TRADD: variants seen among roughly 807,000 people sequenced by gnomAD.
The protein encoded by TRADD is tumor necrosis factor receptor type 1-associated DEATH domain protein.
Under a neutral mutation model 31.5 loss-of-function variants are expected in TRADD, and 14 were observed. The ratio of observed to expected loss-of-function variants is 0.44; its 90% CI spans 0.29 to 0.69. The LOEUF is 0.69. Ranked by LOEUF, TRADD falls within the 30% of genes least tolerant of loss-of-function variation. The probability of loss-of-function intolerance (pLI) is 0.11; values close to 1 mark genes in which losing one functional copy is unlikely to be tolerated. For synonymous variants in TRADD, 220 were observed against 215.8 expected (o/e 1.02, Z -0.17); for missense variants, 388 against 435.7 (o/e 0.89, Z 0.97).
chr16:67,155,586 G>GC lies in TRADD; in HGVS notation c.219dup (p.Gln74AlafsTer77). 1 of 1,547,098 alleles carries GC rather than the reference G, an allele frequency of 6.5e-7. No homozygotes were observed. The highest frequency in any genetic ancestry group is 8.7e-7 in the Non-Finnish European group (1 of 1,154,164). ...GGCTGCCGCCCGCAGAATCGCAGCT[G>GC]CACGATCAGCTGCGGGTCGCTGCGG... On this transcript the variant is annotated frameshift_variant, in exon 3 of 5. Transcript: ENST00000345057. LOFTEE classifies it high-confidence loss of function.
Position 67,156,153 on chromosome 16 carries a change from G to A in TRADD, c.151+357C>T, listed in dbSNP as rs1567663291. 5 of 1,371,646 alleles carry A rather than the reference G, an allele frequency of 3.6e-6. No homozygotes were observed. The South Asian group carries it at 4.9e-5, about 13-fold the overall frequency. The allele number at this position is 1,371,646 out of a possible 1,614,324, so 85.0% of individuals were successfully genotyped here. On this transcript the variant is annotated intron_variant, in intron 2 of 4. Coordinates refer to ENST00000345057, the MANE Select transcript of TRADD (RefSeq NM_003789.4). The surrounding 1 kb of genome is among the most constrained non-coding windows in gnomAD (Gnocchi z 4.6). Reference sequence around the variant, plus strand: ...GGCCTCTGCCCTGAGATGGGAAAGGGGGGCCTGGAAGGGTAGGTACTGGGG... The same window carrying A: ...GGCCTCTGCCCTGAGATGGGAAAGGAGGGCCTGGAAGGGTAGGTACTGGGG...
chr16:67,155,770 T>A, intron 2 of TRADD, 116 bp from the exon 3 acceptor site: 1 of 1,466,208 alleles, frequency 6.8e-7, no homozygotes, highest in Non-Finnish European at 9.0e-7. Flanking sequence ...TGACCTAGGG[T>A]GCAGTTACCC....
Position 67,156,479 on chromosome 16 carries a change from T to A in TRADD, c.151+31A>T, listed in dbSNP as rs747667198. On this transcript the variant is annotated intron_variant, in intron 2 of 4. Coordinates refer to ENST00000345057, the MANE Select transcript of TRADD (RefSeq NM_003789.4). This position sits in a 1 kb window ranked among gnomAD's most constrained non-coding sequence, Gnocchi z 4.6. ...CCCACAAAATGCTCCAGGCCACCCC[T>A]TCCTCTCCACATGCCCGCCCATCCA... 1.6e-5 allele frequency: 25 copies of A among 1,607,078 alleles called. No homozygotes were observed. Among genetic ancestry groups the A allele is most frequent in the Non-Finnish European group, 2.1e-5 (25 of 1,179,938 alleles).
chr16:67,156,385 G>GCC lies in TRADD; in HGVS notation c.151+123_151+124dup. ...ACAAGCAAAGAAGAGAGTCTGCACA[G>GCC]CCAGGGGTCCTCCGTCTTGCTCCTC... On this transcript the variant is annotated intron_variant, in intron 2 of 4. Coordinates refer to ENST00000345057, the MANE Select transcript of TRADD (RefSeq NM_003789.4). The surrounding 1 kb of genome is among the most constrained non-coding windows in gnomAD (Gnocchi z 4.6). The GCC allele has an allele frequency of 6.9e-7, 1 of 1,439,654 alleles. No homozygotes were observed. The allele number at this position is 1,439,654 out of a possible 1,614,324, so 89.2% of individuals were successfully genotyped here.
At chr16:67,155,327 T>G in intron 3 of TRADD, 33 bp from the exon 4 acceptor site, 1 of 1,608,108 alleles carries the variant, frequency 6.2e-7, no homozygotes, top group Non-Finnish European at 8.5e-7. Context: ...CACGGGGGAC[T>G]TAACCGCGGA....
chr16:67,156,541 T>A lies in TRADD; in HGVS notation c.120A>T (p.Ala40=). The change falls in exon 2 of 5, where the codon GCA becomes GCT. Residue 40 remains alanine (A), a synonymous_variant. Coordinates refer to ENST00000345057, the MANE Select transcript of TRADD (RefSeq NM_003789.4). The surrounding 1 kb of genome is among the most constrained non-coding windows in gnomAD (Gnocchi z 4.6). The part of the protein sequence containing the change: ...DAYAHPQQKV[A]VYRALQAALA... ...AGGCAGCCTGCAGAGCCCTGTACAC[T>A]GCCACCTTCTGCTGGGGGTGCGCGT... The A allele has an allele frequency of 1.9e-6, 3 of 1,613,572 alleles. No individual in the cohort carries two copies. The highest frequency in any genetic ancestry group is 2.2e-5 in the East Asian group (1 of 44,876).
chr16:67,156,557 G>A lies in TRADD; in HGVS notation c.104C>T (p.Pro35Leu). ...KVVLSDAYAH[P>L]QQKVAVYRAL... ...CCTGTACACTGCCACCTTCTGCTGG[G>A]GGTGCGCGTAGGCATCCGACAGGAC... Residue 35 changes from proline to leucine, a missense_variant, in exon 2 of 5, where the codon CCC becomes CTC. Coordinates refer to ENST00000345057, the MANE Select transcript of TRADD (RefSeq NM_003789.4). This position sits in a 1 kb window ranked among gnomAD's most constrained non-coding sequence, Gnocchi z 4.6. 1 of 1,613,850 alleles carries A rather than the reference G, an allele frequency of 6.2e-7. No homozygotes were observed.
chr16:67,155,862 C>T lies in TRADD; in HGVS notation c.152-208G>A, dbSNP rs2030673228. Reference sequence around the variant, plus strand: ...AGACCAGGATCTGTCACAGGGAGCACCCTAAGACAGAGTGGGTGCCACCTA... The same window carrying T: ...AGACCAGGATCTGTCACAGGGAGCATCCTAAGACAGAGTGGGTGCCACCTA... On this transcript the variant is annotated intron_variant, in intron 2 of 4. Transcript: ENST00000345057. The T allele has an allele frequency of 4.0e-6, 6 of 1,515,018 alleles. No individual in the cohort carries two copies. The South Asian group carries it at 6.2e-5, about 16-fold the overall frequency. 93.8% of individuals were successfully genotyped at this position (1,515,018 alleles called of 1,614,324 possible). A position where few individuals can be genotyped will look rare whatever the true frequency, so the allele number is the denominator to read the frequency against.
At chr16:67,155,974 A>C in intron 2 of TRADD, 2 of 1,429,614 alleles carry the variant, frequency 1.4e-6, no homozygotes, top group Non-Finnish European at 1.9e-6. Flanking sequence ...TGGGCAAACA[A>C]GCCGTCTGGG....
At position 67,154,854 on chromosome 16, in the gene TRADD, C is replaced by A. The variant is rs865922447; in HGVS notation, c.734G>T (p.Arg245Leu). The A allele has an allele frequency of 6.3e-7, 1 of 1,594,966 alleles. No individual in the cohort carries two copies. ...GGCCAGCGAGTCCAGCGCCGGGTCCCGCAGCGCCCGGCAGCCTCGCTGCAG... is the reference window on the plus strand; with the variant it reads ...GGCCAGCGAGTCCAGCGCCGGGTCCAGCAGCGCCCGGCAGCCTCGCTGCAG... ...RSLQRGCRAL[R>L]DPALDSLAYE... The change falls in exon 5 of 5, where the codon CGG becomes CTG. Residue 245 changes from arginine to leucine, a missense_variant. Arg to Leu is a moderately radical substitution (Grantham distance 102). Coordinates refer to ENST00000345057, the MANE Select transcript of TRADD (RefSeq NM_003789.4). The surrounding 1 kb of genome is among the most constrained non-coding windows in gnomAD (Gnocchi z 5.2).
Position 67,154,271 on chromosome 16 carries a change from G to A in TRADD, c.*378C>T, listed in dbSNP as rs1305268923. ...CTGAGTGTGAGCTGGGGGCAGGCAA[G>A]ATTGATTCCTGTTTTACTTCACTGC... On this transcript the variant is annotated 3_prime_UTR_variant, in exon 5 of 5. Transcript: ENST00000345057. This position sits in a 1 kb window ranked among gnomAD's most constrained non-coding sequence, Gnocchi z 5.2. 1.4e-5 allele frequency: 5 copies of A among 351,282 alleles called. No homozygotes were observed. The highest frequency in any genetic ancestry group is 8.4e-4 in the Middle Eastern group (1 of 1,192). 21.8% of individuals were successfully genotyped at this position (351,282 alleles called of 1,614,324 possible).
At position 67,155,182 on chromosome 16, in the gene TRADD, T is replaced by G. The variant is rs749971040; in HGVS notation, c.542A>C (p.Gln181Pro). 1 of 1,568,514 alleles carries G rather than the reference T, an allele frequency of 6.4e-7. No homozygotes were observed. The highest frequency in any genetic ancestry group is 8.6e-7 in the Non-Finnish European group (1 of 1,159,526). The change falls in exon 4 of 5, where the codon CAG (glutamine) becomes CCG (proline). Residue 181 changes from glutamine (Q) to proline (P), a missense_variant. By Grantham distance (76) the Gln-to-Pro change is moderately conservative (BLOSUM62 -1). Coordinates refer to ENST00000345057, the MANE Select transcript of TRADD (RefSeq NM_003789.4). ...GDGEVASAPL[Q>P]PPVPSLSEVK... The stretch of plus-strand genomic sequence containing the variant: ...CTCCGACAGAGAGGGCACCGGGGGC[T>G]GCAAGGGGGCCGAAGCGACCTCCCC...
At chr16:67,158,620 G>A (rs1235282617) in intron 1 of TRADD, among the ~76,000 whole-genome samples, 1 of 152,118 alleles carries the variant, frequency 6.6e-6, no homozygotes, top group Non-Finnish European at 1.5e-5. Flanking sequence ...TATTTTCTTT[G>A]TATTTAGCAA....
rs1394123575 is a variant in TRADD, at chr16:67,155,490, C to T, written c.316G>A (p.Ala106Thr). ...RAALQRSLAAALAQHSVPLQL... is the reference protein window; with the variant it reads ...RAALQRSLAATLAQHSVPLQL... ...AGCGGCACCGAGTGCTGGGCGAGCG[C>T]GGCCGCCAGGCTCCTCTGCAGCGCG... The change falls in exon 3 of 5, where the codon GCG becomes ACG. Residue 106 changes from alanine to threonine, a missense_variant. Physicochemically the swap from Ala to Thr is moderately conservative, Grantham distance 58. Coordinates refer to ENST00000345057, the MANE Select transcript of TRADD (RefSeq NM_003789.4). 6.4e-7 allele frequency: 1 copy of T among 1,560,496 alleles called. No homozygotes were observed. Among genetic ancestry groups the T allele is most frequent in the Non-Finnish European group, 8.6e-7 (1 of 1,160,288 alleles).
rs199847810 is a variant in TRADD, at chr16:67,154,737, C to T, written c.851G>A (p.Arg284His). 16 of 1,611,458 alleles carry T rather than the reference C, an allele frequency of 9.9e-6. No individual in the cohort carries two copies. The highest frequency in any genetic ancestry group is 4.5e-5 in the East Asian group (2 of 44,828). The change falls in exon 5 of 5, where the codon CGC becomes CAC. Residue 284 changes from arginine (R) to histidine (H), a missense_variant. Arg to His is a conservative substitution (Grantham distance 29, BLOSUM62 0). Transcript: ENST00000345057. The surrounding 1 kb of genome is among the most constrained non-coding windows in gnomAD (Gnocchi z 5.2). ...GTTCTCCTCGAGTGCCTCCACCAGG[C>T]GCTGCAGCGTGGCGCGGCGGCCCTC... ...QAEGRRATLQ[R>H]LVEALEENEL...
At position 67,159,445 on chromosome 16, in the gene TRADD, C is replaced by T. The variant is rs534754227; in HGVS notation, c.-9+393G>A. Among the ~76,000 whole-genome samples, 2 of 152,228 alleles carry T rather than the reference C, an allele frequency of 1.3e-5. No homozygotes were observed. The highest frequency in any genetic ancestry group is 4.8e-5 in the African/African-American group (2 of 41,464). ...TGCGACCCGCCGGGCACACCCCCTA[C>T]TCAGCTACGCAGCTCCCGAGCGCTT... On this transcript the variant is annotated intron_variant, in intron 1 of 4. Coordinates refer to ENST00000345057, the MANE Select transcript of TRADD (RefSeq NM_003789.4). The surrounding 1 kb of genome is among the most constrained non-coding windows in gnomAD (Gnocchi z 6.8).
Position 67,155,159 on chromosome 16 carries a change from C to T in TRADD, c.565G>A (p.Glu189Lys), listed in dbSNP as rs1293063189. 13 of 1,554,588 alleles carry T rather than the reference C, an allele frequency of 8.4e-6. No individual in the cohort carries two copies. The Admixed American group carries it at 1.7e-4, about 20-fold the overall frequency. ...PLQPPVPSLSEVKPPPPPPPA... is the reference protein window; with the variant it reads ...PLQPPVPSLSKVKPPPPPPPA... Reference sequence around the variant, plus strand: ...GGCGGCGGCGGCGGCGGCTTCACCTCCGACAGAGAGGGCACCGGGGGCTGC... The same window carrying T: ...GGCGGCGGCGGCGGCGGCTTCACCTTCGACAGAGAGGGCACCGGGGGCTGC... The change falls in exon 4 of 5, where the codon GAG becomes AAG. Residue 189 changes from glutamate to lysine, a missense_variant. Glu to Lys is a moderately conservative substitution (Grantham distance 56). Coordinates refer to ENST00000345057, the MANE Select transcript of TRADD (RefSeq NM_003789.4).
At position 67,154,383 on chromosome 16, in the gene TRADD, C is replaced by T. The variant is rs1182345532; in HGVS notation, c.*266G>A. On this transcript the variant is annotated 3_prime_UTR_variant, in exon 5 of 5. Coordinates refer to ENST00000345057, the MANE Select transcript of TRADD (RefSeq NM_003789.4). The surrounding 1 kb of genome is among the most constrained non-coding windows in gnomAD (Gnocchi z 5.2). ...AACTGTAAGGGCTGGCTGTAAGCCC[C>T]GCTTCTGGGATGGGAGAAGGTGAGG... 5 of 573,924 alleles carry T rather than the reference C, an allele frequency of 8.7e-6. No homozygotes were observed. Among genetic ancestry groups the T allele is most frequent in the South Asian group, 4.0e-5 (2 of 49,464 alleles). 35.6% of individuals were successfully genotyped at this position (573,924 alleles called of 1,614,324 possible). A position where few individuals can be genotyped will look rare whatever the true frequency, so the allele number is the denominator to read the frequency against.
Position 67,156,412 on chromosome 16 carries a change from C to T in TRADD, c.151+98G>A. 1 of 1,572,846 alleles carries T rather than the reference C, an allele frequency of 6.4e-7. No individual in the cohort carries two copies. Among genetic ancestry groups the T allele is most frequent in the Non-Finnish European group, 8.6e-7 (1 of 1,159,368 alleles). On this transcript the variant is annotated intron_variant, in intron 2 of 4. Transcript: ENST00000345057. This position sits in a 1 kb window ranked among gnomAD's most constrained non-coding sequence, Gnocchi z 4.6. ...CAGGGGTCCTCCGTCTTGCTCCTCC[C>T]ACCCCAAATCTTCTTCTTAAAGGTG... is the stretch of plus-strand genomic sequence containing the variant.
Sources: gnomAD v4.1 joint callset for allele counts (sites outside exome capture counted in the v4.1 genomes callset) on GRCh38, gnomAD v4.1.1 for gene constraint, Gnocchi (gnomAD v3.1) non-coding constraint, MANE v1.5 for transcripts, NCBI Gene and HGNC (gene_info 2026-07-23, HGNC 2026-07-21) for gene names.